The following USP10 variants were observed in gnomAD, a reference collection of about 807,000 sequenced individuals.
USP10 encodes the protein ubiquitin specific peptidase 10.
USP10 carries 22 observed loss-of-function variants against 84.5 expected under a neutral mutation model. The observed-to-expected ratio is 0.26, with a 90% confidence interval of 0.19 to 0.37. The LOEUF (loss-of-function observed/expected upper bound fraction) is 0.37. Among genes scored for constraint, USP10 ranks in the 10% least tolerant of loss-of-function variants. The pLI, the probability that USP10 is intolerant of heterozygous loss-of-function variation, is 1.00. For missense variants in USP10, 1,019 were observed against 998.9 expected, an observed-to-expected ratio of 1.02 and a Z score of -0.27; for synonymous variants, 454 against 387.6, an observed-to-expected ratio of 1.17 and a Z score of -2.01.
intron 3 of USP10, among the ~76,000 whole-genome samples, chr16:84,742,184 G>C (rs1056628349): frequency 8.5e-5 from 13 of 152,146 alleles, no homozygotes; most frequent in African/African-American, 2.7e-4. Flanking sequence ...CAAGGTGAAT[G>C]GTTGTCCTTC....
chr16:84,743,238 G>C (rs1910829797), intron 3 of USP10, among the ~76,000 whole-genome samples: 1 of 152,198 alleles, frequency 6.6e-6, no homozygotes, highest in African/African-American at 2.4e-5. Flanking sequence ...TAAACTTGCT[G>C]TTAGGTGTAA....
intron 1 of USP10, among the ~76,000 whole-genome samples, chr16:84,705,339 C>G (rs1905342144): frequency 1.3e-5 from 2 of 151,870 alleles, no homozygotes; most frequent in Non-Finnish European, 2.9e-5. Context: ...TCAAGTGATT[C>G]TCCTGCCTCA....
At chr16:84,750,563 A>G (rs1270253243) in intron 4 of USP10, among the ~76,000 whole-genome samples, 2 of 152,116 alleles carry the variant, frequency 1.3e-5, no homozygotes, top group Non-Finnish European at 2.9e-5. Flanking sequence ...CGAACATGTG[A>G]CGTTTGAAAT....
intron 1 of USP10, chr16:84,716,293 A>ATAT (rs1269673489): frequency 6.6e-6 from 1 of 152,152 alleles, no homozygotes; most frequent in Non-Finnish European, 1.5e-5. Flanking sequence ...TCTTCTTTAA[A>ATAT]TATTATTGTT....
At chr16:84,752,300 C>A (rs1912022428) in intron 4 of USP10, among the ~76,000 whole-genome samples, 1 of 152,116 alleles carries the variant, frequency 6.6e-6, no homozygotes, top group Non-Finnish European at 1.5e-5. Flanking sequence ...ATTATACCAA[C>A]CATGATGAAT....
intron 1 of USP10, among the ~76,000 whole-genome samples, chr16:84,721,358 C>A (rs16974449): frequency 0.37 from 56,204 of 152,040 alleles, 10,893 homozygotes; most frequent in East Asian, 0.67. Flanking sequence ...AGGAATTATT[C>A]TTCTGTAAAT....
intron 11 of USP10, among the ~76,000 whole-genome samples, chr16:84,768,609 T>A (rs1356149256): frequency 6.6e-6 from 1 of 152,214 alleles, no homozygotes; most frequent in Non-Finnish European, 1.5e-5. Flanking sequence ...TTGAGCTACA[T>A]TTAATTTTCT....
chr16:84,736,968 T>G (rs1910015077), intron 2 of USP10, among the ~76,000 whole-genome samples: 2 of 152,154 alleles, frequency 1.3e-5, no homozygotes, highest in South Asian at 4.1e-4. Flanking sequence ...TTTTGTGGTT[T>G]TAGTAGAGGC....
chr16:84,726,774 T>C (rs1221904123), intron 1 of USP10, among the ~76,000 whole-genome samples: 1 of 152,214 alleles, frequency 6.6e-6, no homozygotes, highest in African/African-American at 2.4e-5. Flanking sequence ...TTACTTCCCC[T>C]AAAAAGGGGA....
chr16:84,721,421 C>T (rs1907798123), intron 1 of USP10, among the ~76,000 whole-genome samples: 1 of 152,234 alleles, frequency 6.6e-6, no homozygotes, highest in Non-Finnish European at 1.5e-5. Context: ...TATGGTACTG[C>T]TTCATCTGCT....
At chr16:84,702,295 G>C (rs1904986591) in intron 1 of USP10, among the ~76,000 whole-genome samples, 1 of 151,956 alleles carries the variant, frequency 6.6e-6, no homozygotes, top group South Asian at 2.1e-4. Flanking sequence ...GAGCTCAGGT[G>C]ATCCACCCGC....
intron 1 of USP10, among the ~76,000 whole-genome samples, chr16:84,701,774 C>T (rs1289495177): frequency 6.6e-6 from 1 of 152,022 alleles, no homozygotes; most frequent in African/African-American, 2.4e-5. Flanking sequence ...CAGTCTAAAG[C>T]GTTATACACA....
intron 1 of USP10, 81 bp from the exon 2 acceptor site, chr16:84,733,354 T>G: frequency 8.9e-7 from 1 of 1,122,674 alleles, no homozygotes; most frequent in Non-Finnish European, 1.3e-6. Flanking sequence ...TGCATAGGAT[T>G]GTTAAAATAT....
At chr16:84,743,554 G>GA (rs900643137) in intron 3 of USP10, among the ~76,000 whole-genome samples, 6 of 151,196 alleles carry the variant, frequency 4.0e-5, no homozygotes, top group South Asian at 4.2e-4. Context: ...TAGATGCCTT[G>GA]AAAAAAAAAT....
intron 2 of USP10, among the ~76,000 whole-genome samples, chr16:84,739,591 C>T (rs1306782080): frequency 6.6e-6 from 1 of 152,164 alleles, no homozygotes; most frequent in Admixed American, 6.5e-5. Flanking sequence ...AACTTTCTTA[C>T]ACCCAATGTG....
chr16:84,766,873 C>T (rs1913923853), intron 10 of USP10, among the ~76,000 whole-genome samples: 1 of 152,190 alleles, frequency 6.6e-6, no homozygotes, highest in African/African-American at 2.4e-5. Context: ...TCTTTATTCA[C>T]ACCAATTGAA....
At chr16:84,723,116 C>T (rs1031404265) in intron 1 of USP10, among the ~76,000 whole-genome samples, 4 of 150,212 alleles carry the variant, frequency 2.7e-5, no homozygotes, top group Admixed American at 6.6e-5. Context: ...AAGGATTGAC[C>T]GGCTCCGATA....
chr16:84,723,359 A>C (rs1487295093), intron 1 of USP10, among the ~76,000 whole-genome samples: 1 of 152,204 alleles, frequency 6.6e-6, no homozygotes, highest in Non-Finnish European at 1.5e-5. Context: ...ATACTTTAAA[A>C]ATAAGTGTTA....
At chr16:84,700,306 C>T (rs528709196) in intron 1 of USP10, among the ~76,000 whole-genome samples, 195 bp downstream of exon 1, 632 of 152,058 alleles carry the variant, frequency 4.2e-3, no homozygotes, top group Non-Finnish European at 6.8e-3. Context: ...CCTGAGCCAC[C>T]CGGACCCCCT....
Sources: gnomAD v4.1 joint callset for allele counts (sites outside exome capture counted in the v4.1 genomes callset) on GRCh38, gnomAD v4.1.1 for gene constraint, MANE v1.5 for transcripts, NCBI Gene and HGNC (gene_info 2026-07-23, HGNC 2026-07-21) for gene names.